HDAC4: variants seen among roughly 807,000 people sequenced by gnomAD.
The protein encoded by HDAC4 is histone deacetylase 4, also known as histone deacetylase A.
HDAC4 carries 16 observed loss-of-function variants against 135.1 expected under a neutral mutation model. The observed-to-expected ratio is 0.12, with a 90% CI of 0.08 to 0.18. The LOEUF is 0.18. Ranked by LOEUF, HDAC4 falls within the 10% of genes least tolerant of loss-of-function variation. The pLI is 1.00. For missense variants in HDAC4, 1,143 were observed against 1,511.8 expected (o/e 0.76, Z 4.05); for synonymous variants, 685 against 653.4 (o/e 1.05, Z -0.74).
chr2:239,160,056 G>A (rs1052657507), intron 6 of HDAC4, among the ~76,000 whole-genome samples: 3 of 152,192 alleles, frequency 2.0e-5, no homozygotes, highest in Non-Finnish European at 4.4e-5. Flanking sequence ...TCGTACCAGT[G>A]ATTTCCAAGA....
At chr2:239,136,150 T>C (rs1433088707) in intron 9 of HDAC4, among the ~76,000 whole-genome samples, 1 of 152,206 alleles carries the variant, frequency 6.6e-6, no homozygotes, top group African/African-American at 2.4e-5. Context: ...GTTGTAATCA[T>C]GCTAGTTAGT....
chr2:239,166,275 G>A (rs963535659), intron 5 of HDAC4, among the ~76,000 whole-genome samples: 1 of 152,146 alleles, frequency 6.6e-6, no homozygotes, highest in Admixed American at 6.5e-5. Flanking sequence ...CCAAGCCAGG[G>A]AAACACAAAG....
intron 2 of HDAC4, among the ~76,000 whole-genome samples, chr2:239,322,159 G>C (rs2053337770): frequency 6.6e-6 from 1 of 152,220 alleles, no homozygotes; most frequent in Non-Finnish European, 1.5e-5. Flanking sequence ...TACACCCTAT[G>C]CGAATGAAGA....
At chr2:239,312,232 C>T (rs1050921149) in intron 2 of HDAC4, among the ~76,000 whole-genome samples, 2 of 152,170 alleles carry the variant, frequency 1.3e-5, no homozygotes, top group African/African-American at 4.8e-5. Context: ...ACCCACGCTA[C>T]AGAGGAAATG....
At chr2:239,108,587 C>T (rs1227406759) in intron 14 of HDAC4, among the ~76,000 whole-genome samples, 14 of 152,168 alleles carry the variant, frequency 9.2e-5, no homozygotes, top group African/African-American at 1.2e-4. Flanking sequence ...TAGAAGGAGG[C>T]GACTCTAGCC....
intron 3 of HDAC4, among the ~76,000 whole-genome samples, chr2:239,206,394 GCACACACA>G (rs5839729): frequency 6.7e-6 from 1 of 148,764 alleles, no homozygotes; most frequent in African/African-American, 2.5e-5. Context: ...ACACATACGT[GCACACACA>G]CACACACACA....
intron 11 of HDAC4, among the ~76,000 whole-genome samples, chr2:239,127,580 CACTAA>C (rs1229134171): frequency 6.6e-6 from 1 of 152,230 alleles, no homozygotes; most frequent in Non-Finnish European, 1.5e-5. Flanking sequence ...GTGGGGTAAA[CACTAA>C]ACTAAACAAT....
intron 2 of HDAC4, among the ~76,000 whole-genome samples, chr2:239,312,175 C>T (rs983437328): frequency 3.9e-5 from 6 of 152,154 alleles, no homozygotes; most frequent in Non-Finnish European, 5.9e-5. Context: ...GAAGGAGGGG[C>T]GGGCAGGGGC....
rs192459179 is a variant in HDAC4, at chr2:239,349,374, G to A, written c.22+3304C>T. On this transcript the variant is annotated intron_variant, in intron 2 of 26. Coordinates refer to ENST00000543185, the MANE Select transcript of HDAC4 (RefSeq NM_001378414.1). The surrounding 1 kb of genome is among the most constrained non-coding windows in gnomAD (Gnocchi z 5.7). Reference sequence around the variant, plus strand: ...ACACCTAGAAATTTCCCGCTCAAGAGAGCAAACTGAATCCTTTAGTATTAA... The same window carrying A: ...ACACCTAGAAATTTCCCGCTCAAGAAAGCAAACTGAATCCTTTAGTATTAA... Among the ~76,000 whole-genome samples, 13 of 152,348 alleles carry A rather than the reference G, an allele frequency of 8.5e-5. No individual in the cohort carries two copies. Among genetic ancestry groups the A allele is most frequent in the Admixed American group, 2.6e-4 (4 of 15,304 alleles).
At chr2:239,246,168 G>A (rs894084993) in intron 2 of HDAC4, among the ~76,000 whole-genome samples, 3 of 152,190 alleles carry the variant, frequency 2.0e-5, no homozygotes, top group East Asian at 3.9e-4. Flanking sequence ...AACTGAGCCC[G>A]CTGGACACGC....
chr2:239,170,836 C>T (rs930031071), intron 5 of HDAC4, among the ~76,000 whole-genome samples: 1 of 152,066 alleles, frequency 6.6e-6, no homozygotes, highest in Non-Finnish European at 1.5e-5. Context: ...CGGAAGAGGC[C>T]CTTGATAGGG....
chr2:239,292,416 G>A (rs1459595037), intron 2 of HDAC4, among the ~76,000 whole-genome samples: 1 of 152,208 alleles, frequency 6.6e-6, no homozygotes, highest in Non-Finnish European at 1.5e-5. Context: ...GCACTGAGAT[G>A]GGCAGTGGAG....
At chr2:239,125,746 C>T (rs1296513776) in intron 12 of HDAC4, among the ~76,000 whole-genome samples, 1 of 152,232 alleles carries the variant, frequency 6.6e-6, no homozygotes, top group East Asian at 1.9e-4. Flanking sequence ...TTCCTCTTCA[C>T]GAGCATCACA....
At chr2:239,119,206 A>G (rs2039409216) in intron 12 of HDAC4, among the ~76,000 whole-genome samples, 1 of 152,170 alleles carries the variant, frequency 6.6e-6, no homozygotes, top group African/African-American at 2.4e-5. Flanking sequence ...CGGGGCCCTT[A>G]TCACTCGGTG....
chr2:239,235,354 G>A (rs918207452), intron 3 of HDAC4, among the ~76,000 whole-genome samples: 3 of 152,224 alleles, frequency 2.0e-5, no homozygotes, highest in African/African-American at 7.2e-5. Flanking sequence ...TCTTGGAAAC[G>A]TTCAGCCTGG....
intron 16 of HDAC4, among the ~76,000 whole-genome samples, chr2:239,101,509 G>A (rs2037631816): frequency 2.0e-5 from 3 of 152,146 alleles, no homozygotes; most frequent in South Asian, 4.1e-4. Flanking sequence ...AGCCAGGCAC[G>A]GCCCACCCTC....
rs1031460169 is a variant in HDAC4, at chr2:239,048,566, T to C, written c.*4531A>G. On this transcript the variant is annotated 3_prime_UTR_variant, in exon 27 of 27. Coordinates refer to ENST00000543185, the MANE Select transcript of HDAC4 (RefSeq NM_001378414.1). ...GTAAGGTTCAAGCCCCCTGTATAGA[T>C]AGATAGATAGATAGATAGATAGATA... 1 of 149,712 alleles carries C rather than the reference T, an allele frequency of 6.7e-6. No individual in the cohort carries two copies. The highest frequency in any genetic ancestry group is 1.5e-5 in the Non-Finnish European group (1 of 67,900). 9.3% of individuals were successfully genotyped at this position (149,712 alleles called of 1,614,324 possible). A position where few individuals can be genotyped will look rare whatever the true frequency, so the allele number is the denominator to read the frequency against.
chr2:239,257,624 T>C (rs1424753541), intron 2 of HDAC4, among the ~76,000 whole-genome samples: 1 of 152,160 alleles, frequency 6.6e-6, no homozygotes, highest in Non-Finnish European at 1.5e-5. Flanking sequence ...CCCTCAACAA[T>C]TGCAGCTCTG....
chr2:239,368,718 G>A (rs1694395134), intron 1 of HDAC4, among the ~76,000 whole-genome samples: 1 of 152,104 alleles, frequency 6.6e-6, no homozygotes, highest in African/African-American at 2.4e-5. Context: ...GGGAGACCTG[G>A]GCAGGCAGCC....
Sources: allele counts gnomAD v4.1 joint callset (sites outside exome capture counted in the v4.1 genomes callset), GRCh38; gene constraint gnomAD v4.1.1; non-coding constraint Gnocchi (gnomAD v3.1); transcripts MANE v1.5; gene names NCBI Gene and HGNC (gene_info 2026-07-23, HGNC 2026-07-21).